Variants in ZNF284 observed in about 807,000 individuals in gnomAD.
The protein encoded by ZNF284 is zinc finger protein 284.
A neutral mutation model predicts 12.9 loss-of-function variants in ZNF284; 12 were observed. The observed-to-expected ratio is 0.93, with a 90% CI of 0.60 to 1.51. ZNF284 has a LOEUF of 1.51. Among genes scored for constraint, ZNF284 ranks in the 40% most tolerant of loss-of-function variants. The pLI, the probability that ZNF284 is intolerant of heterozygous loss-of-function variation, is 0.00. For synonymous variants in ZNF284, 225 were observed against 236.5 expected, an observed-to-expected ratio of 0.95 and a Z score of 0.45; for missense variants, 667 against 707.3, an observed-to-expected ratio of 0.94 and a Z score of 0.65.
chr19:44,081,741 A>G (rs1967129972), intron 3 of ZNF284, among the ~76,000 whole-genome samples: 1 of 152,054 alleles, frequency 6.6e-6, no homozygotes, highest in Admixed American at 6.6e-5. Flanking sequence ...AACAAAAACA[A>G]AAAACATAAA....
At chr19:44,081,820 C>A (rs551570405) in intron 3 of ZNF284, among the ~76,000 whole-genome samples, 193 bp from the exon 4 acceptor site, 11 of 152,032 alleles carry the variant, frequency 7.2e-5, no homozygotes, top group South Asian at 2.1e-4. Context: ...GGAAACTGCC[C>A]CCATGATTTA....
intron 2 of ZNF284, among the ~76,000 whole-genome samples, chr19:44,079,640 C>T (rs1042335627): frequency 2.6e-5 from 4 of 151,442 alleles, no homozygotes; most frequent in African/African-American, 9.7e-5. Flanking sequence ...ACCCAGGAGG[C>T]GGAGCTTGCG....
chr19:44,075,815 G>A (rs376016826), intron 1 of ZNF284, among the ~76,000 whole-genome samples: 5 of 152,082 alleles, frequency 3.3e-5, no homozygotes, highest in Admixed American at 6.6e-5. Flanking sequence ...ATGGAACTCC[G>A]TGATTTTTAG....
intron 2 of ZNF284, 79 bp downstream of exon 2, chr19:44,076,483 G>A: frequency 6.7e-7 from 1 of 1,486,216 alleles, no homozygotes; most frequent in Non-Finnish European, 9.2e-7. Flanking sequence ...TCGGTCTTGG[G>A]AAGACTCAAG....
chr19:44,083,402 C>A (rs1450235807), intron 4 of ZNF284, among the ~76,000 whole-genome samples: 1 of 146,188 alleles, frequency 6.8e-6, no homozygotes, highest in Non-Finnish European at 1.5e-5. Context: ...CCACTACACT[C>A]TAGCCTGGGT....
intron 1 of ZNF284, among the ~76,000 whole-genome samples, chr19:44,074,272 G>C (rs1966995097): frequency 6.6e-6 from 1 of 152,046 alleles, no homozygotes; most frequent in Non-Finnish European, 1.5e-5. Flanking sequence ...AGAATCGCTT[G>C]AACCCGGGAG....
chr19:44,083,768 C>G (rs895773238), intron 4 of ZNF284, among the ~76,000 whole-genome samples: 1 of 151,948 alleles, frequency 6.6e-6, no homozygotes, highest in Admixed American at 6.6e-5. Context: ...CAGGATAACC[C>G]TCAGGTTTTA....
At chr19:44,077,931 T>G (rs895831283) in intron 2 of ZNF284, among the ~76,000 whole-genome samples, 1 of 152,102 alleles carries the variant, frequency 6.6e-6, no homozygotes, top group African/African-American at 2.4e-5. Context: ...TGCCACCTCC[T>G]CAGGTGCACC....
rs80003785 is a variant in ZNF284 at position 44,077,196 on chromosome 19, G to A, written c.15+792G>A. 2.5e-4 allele frequency among the ~76,000 whole-genome samples: 38 copies of A among 152,294 alleles called. 1 individual carries two copies. The East Asian group carries it at 7.1e-3, about 29-fold the overall frequency. On this transcript the variant is annotated intron_variant, in intron 2 of 4. Transcript: ENST00000421176. ...AAAGAGTACTTTTGACATGTGCCAC[G>A]TTGGTTGTTTTGTAGATAAAATATC...
intron 2 of ZNF284, among the ~76,000 whole-genome samples, chr19:44,079,603 G>A (rs921391184): frequency 1.3e-5 from 2 of 151,432 alleles, no homozygotes; most frequent in African/African-American, 4.8e-5. Flanking sequence ...CAGCTACTCG[G>A]GAGGCTGAGG....
intron 4 of ZNF284, 38 bp downstream of exon 4, chr19:44,082,143 C>T (rs976016736): frequency 5.2e-6 from 8 of 1,540,702 alleles, no homozygotes; most frequent in East Asian, 4.5e-5. Context: ...GTACGTGACC[C>T]TTCCATCTGT....
chr19:44,075,351 A>T (rs1474182079), intron 1 of ZNF284, among the ~76,000 whole-genome samples: 1 of 152,200 alleles, frequency 6.6e-6, no homozygotes, highest in Non-Finnish European at 1.5e-5. Flanking sequence ...GTTGTTTTGC[A>T]GAAAGACATT....
intron 1 of ZNF284, among the ~76,000 whole-genome samples, chr19:44,074,109 T>A (rs112727780): frequency 0.03 from 4,567 of 151,930 alleles, 185 homozygotes; most frequent in African/African-American, 0.096. Flanking sequence ...ATCCCAGCAC[T>A]TTGGGAGGCC....
rs778497405 is a variant in ZNF284, at chr19:44,085,858, G to C, written c.380G>C (p.Gly127Ala). 1.2e-6 allele frequency: 2 copies of C among 1,613,942 alleles called. No individual in the cohort carries two copies. Among genetic ancestry groups the C allele is most frequent in the Non-Finnish European group, 1.7e-6 (2 of 1,179,984 alleles). The change falls in exon 5 of 5, where the codon GGT becomes GCT. Residue 127 changes from glycine (G) to alanine (A), a missense_variant. Gly to Ala is a moderately conservative substitution (Grantham distance 60). Transcript: ENST00000421176. ...SISSSQFSTQ[G>A]DVPSQVDAGL... is the part of the protein sequence containing the mutation. Reference sequence around the variant, plus strand: ...AGTAGCTCTCAGTTCTCCACACAAGGTGATGTCCCCTCCCAGGTTGACGCA... The same window carrying C: ...AGTAGCTCTCAGTTCTCCACACAAGCTGATGTCCCCTCCCAGGTTGACGCA...
intron 2 of ZNF284, among the ~76,000 whole-genome samples, chr19:44,079,927 TCAAAAAAA>T (rs1281635004): frequency 2.0e-5 from 3 of 151,832 alleles, no homozygotes; most frequent in African/African-American, 7.3e-5. Context: ...AAACTCCGTC[TCAAAAAAA>T]AGACAAAAAG....
At position 44,085,729 on chromosome 19, in the gene ZNF284, C is replaced by G; in HGVS notation, c.251C>G (p.Thr84Ser). The change falls in exon 5 of 5, where the codon ACT (threonine) becomes AGT (serine). Residue 84 changes from threonine (T) to serine (S), a missense_variant. Transcript: ENST00000421176. ...GTCCTTATAGGAGGCAAGATCCAAACTGAGTTGGAGTCTGTTCCAGAAACA... is the reference window on the plus strand; with the variant it reads ...GTCCTTATAGGAGGCAAGATCCAAAGTGAGTTGGAGTCTGTTCCAGAAACA... ...REGNSGGKIQ[T>S]ELESVPETGP... 4.3e-6 allele frequency: 7 copies of G among 1,611,692 alleles called. No homozygotes were observed. In the South Asian group the frequency reaches 7.7e-5, roughly 18 times the overall value.
At chr19:44,082,543 C>G (rs1568522181) in intron 4 of ZNF284, among the ~76,000 whole-genome samples, 1 of 152,218 alleles carries the variant, frequency 6.6e-6, no homozygotes, top group Non-Finnish European at 1.5e-5. Flanking sequence ...ACACACTTAG[C>G]AGATTAAACA....
intron 4 of ZNF284, among the ~76,000 whole-genome samples, chr19:44,083,914 A>T (rs56149185): frequency 0.53 from 79,778 of 151,758 alleles, 22,845 homozygotes; most frequent in Non-Finnish European, 0.66. Flanking sequence ...TCAGGTCACT[A>T]GGAGGAGTAT....
At chr19:44,085,647 G>C in intron 4 of ZNF284, 67 bp from the exon 5 acceptor site, 1 of 1,392,158 alleles carries the variant, frequency 7.2e-7, no homozygotes, top group Non-Finnish European at 9.9e-7. Context: ...CATGTCCTAA[G>C]TGAAATCCTG....
Sources: allele counts gnomAD v4.1 joint callset (sites outside exome capture counted in the v4.1 genomes callset), GRCh38; gene constraint gnomAD v4.1.1; transcripts MANE v1.5; gene names NCBI Gene and HGNC (gene_info 2026-07-23, HGNC 2026-07-21).